The following BANK1 variants were observed in gnomAD, a reference collection of about 807,000 sequenced individuals.
BANK1 encodes the protein B-cell scaffold protein with ankyrin repeats.
Under a neutral mutation model 94.5 loss-of-function variants are expected in BANK1, and 95 were observed. The observed-to-expected ratio is 1.00, with a 90% CI of 0.85 to 1.19. The LOEUF is 1.19. Among genes scored for constraint, BANK1 ranks in the 50% most tolerant of loss-of-function variants. The pLI is 0.00. For missense variants in BANK1, 987 were observed against 932.2 expected (o/e 1.06, Z -0.77); for synonymous variants, 334 against 308.4 (o/e 1.08, Z -0.87).
At chr4:101,935,174 C>A (rs923206) in intron 7 of BANK1, among the ~76,000 whole-genome samples, 100,326 of 151,334 alleles carry the variant, frequency 0.66, 34,390 homozygotes, top group African/African-American at 0.81. Context: ...ATTTAATTAA[C>A]AATCTTTTTA....
At chr4:101,818,852 G>A (rs988865081) in intron 1 of BANK1, among the ~76,000 whole-genome samples, 1 of 149,192 alleles carries the variant, frequency 6.7e-6, no homozygotes, top group Non-Finnish European at 1.5e-5. Context: ...TATTCTCCAC[G>A]AATAAAGAAA....
intron 10 of BANK1, among the ~76,000 whole-genome samples, chr4:102,039,745 G>T (rs1320088875): frequency 1.3e-5 from 2 of 151,994 alleles, no homozygotes; most frequent in Non-Finnish European, 2.9e-5. Context: ...TCACGACTTG[G>T]CCATGTAGTT....
At chr4:102,037,196 A>G (rs146572620) in intron 10 of BANK1, among the ~76,000 whole-genome samples, 249 of 152,348 alleles carry the variant, frequency 1.6e-3, no homozygotes, top group African/African-American at 5.5e-3. Context: ...AAGACTAAGA[A>G]CAGTACTAGT....
intron 8 of BANK1, among the ~76,000 whole-genome samples, chr4:102,023,235 C>T (rs1726974759): frequency 6.6e-6 from 1 of 152,092 alleles, no homozygotes; most frequent in African/African-American, 2.4e-5. Flanking sequence ...CAAGTAAATG[C>T]CTTCACTAGC....
intron 6 of BANK1, among the ~76,000 whole-genome samples, chr4:101,898,928 C>T (rs1198106121): frequency 6.6e-6 from 1 of 151,934 alleles, no homozygotes; most frequent in Non-Finnish European, 1.5e-5. Flanking sequence ...TATAATGTAT[C>T]ATGGCTCTAC....
At chr4:101,919,355 T>C (rs952491489) in intron 7 of BANK1, among the ~76,000 whole-genome samples, 4 of 152,000 alleles carry the variant, frequency 2.6e-5, no homozygotes, top group Admixed American at 1.3e-4. Flanking sequence ...ATTCTTCCAC[T>C]TCTTGCTCTC....
intron 9 of BANK1, among the ~76,000 whole-genome samples, chr4:102,026,060 TA>T (rs1727084693): frequency 6.6e-6 from 1 of 152,172 alleles, no homozygotes; most frequent in South Asian, 2.1e-4. Context: ...CACCAAAGTT[TA>T]AAAACACTCT....
intron 1 of BANK1, among the ~76,000 whole-genome samples, chr4:101,797,673 A>T (rs1274309708): frequency 6.6e-6 from 1 of 152,170 alleles, no homozygotes; most frequent in East Asian, 1.9e-4. Context: ...AGAATCAAGA[A>T]TGTGTCATTT....
Position 101,859,664 on chromosome 4 carries a change from G to A in BANK1, c.625-2862G>A, listed in dbSNP as rs571668945. ...TAATTAAGAGCCAGTGCTTACTCCCGGGAGTTGAGGAAGCTTTGAGTACTG... is the reference window on the plus strand; with the variant it reads ...TAATTAAGAGCCAGTGCTTACTCCCAGGAGTTGAGGAAGCTTTGAGTACTG... On this transcript the variant is annotated intron_variant, in intron 3 of 16. Transcript: ENST00000322953. Among the ~76,000 whole-genome samples the A allele has an allele frequency of 1.2e-4, 18 of 152,204 alleles. No individual in the cohort carries two copies. The South Asian group carries it at 1.5e-3, about 12-fold the overall frequency.
At chr4:101,931,931 T>G (rs1275839043) in intron 7 of BANK1, among the ~76,000 whole-genome samples, 1 of 151,420 alleles carries the variant, frequency 6.6e-6, no homozygotes, top group African/African-American at 2.4e-5. Context: ...CCATAACAAT[T>G]CAGGAGTAAC....
rs187356132 is a variant in BANK1, at chr4:101,885,288, G to A, written c.904-10017G>A. The stretch of plus-strand genomic sequence containing the variant: ...CAACATTTCAATGGATTACAATTTT[G>A]GGGTGAATTAAAATATTTGACATGA... On this transcript the variant is annotated intron_variant, in intron 5 of 16. Coordinates refer to ENST00000322953, the MANE Select transcript of BANK1 (RefSeq NM_017935.5). Among the ~76,000 whole-genome samples the A allele has an allele frequency of 6.6e-5, 10 of 152,274 alleles. No homozygotes were observed. In the East Asian group the frequency reaches 1.9e-3, roughly 29 times the overall value.
intron 1 of BANK1, among the ~76,000 whole-genome samples, chr4:101,809,304 C>T (rs1725663999): frequency 6.6e-6 from 1 of 151,778 alleles, no homozygotes; most frequent in African/African-American, 2.4e-5. Context: ...TATGAGGATG[C>T]AAAGGCATAA....
rs992247527 is a variant in BANK1 at position 101,940,923 on chromosome 4, C to T, written c.1206+22734C>T. On this transcript the variant is annotated intron_variant, in intron 7 of 16. Transcript: ENST00000322953. The stretch of plus-strand genomic sequence containing the variant: ...CTTTTTGGAAGGACGTCACTAAGCA[C>T]AATCCACACTTAGGGAGTGGGGGTT... 5.9e-5 allele frequency among the ~76,000 whole-genome samples: 9 copies of T among 151,864 alleles called. No homozygotes were observed. The East Asian group carries it at 1.8e-3, about 30-fold the overall frequency.
intron 8 of BANK1, among the ~76,000 whole-genome samples, chr4:102,023,955 A>C (rs1479857521): frequency 6.6e-6 from 1 of 152,208 alleles, no homozygotes; most frequent in South Asian, 2.1e-4. Context: ...AGGATAGAAA[A>C]ATGAATGAGA....
intron 6 of BANK1, among the ~76,000 whole-genome samples, chr4:101,898,731 G>C (rs1382574503): frequency 1.3e-5 from 2 of 151,822 alleles, no homozygotes; most frequent in African/African-American, 2.4e-5. Context: ...GTAAATTCTG[G>C]GTTTAGTTTC....
intron 11 of BANK1, among the ~76,000 whole-genome samples, chr4:102,055,412 AT>A (rs1728193304): frequency 6.6e-6 from 1 of 152,058 alleles, no homozygotes; most frequent in Admixed American, 6.6e-5. Flanking sequence ...AAGTAGAGGT[AT>A]TCGTGTTAGG....
intron 1 of BANK1, among the ~76,000 whole-genome samples, chr4:101,792,491 G>A (rs1200496032): frequency 7.0e-6 from 1 of 143,814 alleles, no homozygotes; most frequent in South Asian, 2.2e-4. Context: ...TTAATGAAGA[G>A]CTCCCTCTCT....
chr4:102,040,336 G>T (rs888887030), intron 10 of BANK1, among the ~76,000 whole-genome samples: 5 of 151,996 alleles, frequency 3.3e-5, no homozygotes, highest in Non-Finnish European at 2.9e-5. Flanking sequence ...ATAAAAAAGG[G>T]TATTATTTGG....
chr4:101,904,423 T>C (rs1362909819), intron 6 of BANK1, among the ~76,000 whole-genome samples: 1 of 152,234 alleles, frequency 6.6e-6, no homozygotes, highest in Non-Finnish European at 1.5e-5. Flanking sequence ...AAGCCTCCAG[T>C]TTCTCTTTAC....
Sources: allele counts gnomAD v4.1 joint callset (sites outside exome capture counted in the v4.1 genomes callset), GRCh38; gene constraint gnomAD v4.1.1; transcripts MANE v1.5; gene names NCBI Gene and HGNC (gene_info 2026-07-23, HGNC 2026-07-21).